The following MACROD2 variants were observed in gnomAD, a reference collection of about 807,000 sequenced individuals.
MACROD2 encodes mono-ADP ribosylhydrolase 2, also known as ADP-ribose glycohydrolase MACROD2.
MACROD2 carries 36 observed loss-of-function variants against 70.4 expected under a neutral mutation model. The observed-to-expected ratio is 0.51, with a 90% CI of 0.39 to 0.68. The LOEUF is 0.68. Among genes scored for constraint, MACROD2 ranks in the 30% least tolerant of loss-of-function variants. The pLI, the probability that MACROD2 is intolerant of heterozygous loss-of-function variation, is 0.00. For missense variants in MACROD2, 496 were observed against 538.4 expected, an observed-to-expected ratio of 0.92 and a Z score of 0.78; for synonymous variants, 172 against 178.8, an observed-to-expected ratio of 0.96 and a Z score of 0.30.
intron 8 of MACROD2, among the ~76,000 whole-genome samples, chr20:15,520,191 A>G (rs879658152): frequency 6.6e-6 from 1 of 152,262 alleles, no homozygotes; most frequent in Non-Finnish European, 1.5e-5. Context: ...CAGTTAATGT[A>G]GATTACCATT....
chr20:15,726,903 T>C (rs987777638), intron 8 of MACROD2, among the ~76,000 whole-genome samples: 3 of 152,230 alleles, frequency 2.0e-5, no homozygotes, highest in African/African-American at 7.2e-5. Flanking sequence ...GTTGATAGTT[T>C]CTTTTGCCAT....
chr20:15,323,974 C>CT (rs556768993), intron 6 of MACROD2, among the ~76,000 whole-genome samples: 26 of 147,888 alleles, frequency 1.8e-4, no homozygotes, highest in Non-Finnish European at 2.6e-4. Context: ...GATTGCAGAA[C>CT]TTTTTTTTTT....
chr20:14,442,757 A>G (rs2084138776), intron 3 of MACROD2, among the ~76,000 whole-genome samples: 1 of 151,878 alleles, frequency 6.6e-6, no homozygotes, highest in Non-Finnish European at 1.5e-5. Flanking sequence ...CTACCTCCCC[A>G]CAAGAGATGG....
At chr20:15,567,227 C>T (rs1032389822) in intron 8 of MACROD2, among the ~76,000 whole-genome samples, 13 of 151,534 alleles carry the variant, frequency 8.6e-5, no homozygotes, top group African/African-American at 3.1e-4. Context: ...TTTAGTTAGT[C>T]AAGACTTTAT....
intron 5 of MACROD2, among the ~76,000 whole-genome samples, chr20:15,154,608 A>AC (rs1339089875): frequency 6.6e-6 from 1 of 151,896 alleles, no homozygotes; most frequent in African/African-American, 2.4e-5. Flanking sequence ...AGTTCTAGTG[A>AC]CCCCCTCTTC....
chr20:15,927,353 T>C (rs1244239223), intron 10 of MACROD2, among the ~76,000 whole-genome samples: 2 of 152,150 alleles, frequency 1.3e-5, no homozygotes, highest in East Asian at 1.9e-4. Flanking sequence ...AGAGGGCTTA[T>C]GGCTTAGCTC....
chr20:15,256,765 A>G (rs1460279145), intron 6 of MACROD2, among the ~76,000 whole-genome samples: 3 of 152,038 alleles, frequency 2.0e-5, no homozygotes, highest in African/African-American at 7.2e-5. Flanking sequence ...TGGCATGGAT[A>G]TGGTATACTT....
At chr20:14,051,441 C>A (rs538366352) in intron 2 of MACROD2, among the ~76,000 whole-genome samples, 2 of 152,106 alleles carry the variant, frequency 1.3e-5, no homozygotes, top group Non-Finnish European at 2.9e-5. Flanking sequence ...TATTCCTGGA[C>A]GTTTACAGAA....
chr20:14,408,407 T>C (rs1348708634), intron 3 of MACROD2, among the ~76,000 whole-genome samples: 1 of 152,194 alleles, frequency 6.6e-6, no homozygotes, highest in Non-Finnish European at 1.5e-5. Context: ...ACACCAACTT[T>C]CCTTGGGTGG....
intron 3 of MACROD2, among the ~76,000 whole-genome samples, chr20:14,104,266 C>A (rs2054339509): frequency 6.6e-6 from 1 of 152,132 alleles, no homozygotes; most frequent in Non-Finnish European, 1.5e-5. Context: ...AAAGCAGGAT[C>A]TTACCTATAA....
intron 3 of MACROD2, among the ~76,000 whole-genome samples, chr20:14,186,335 C>CA (rs1203354852): frequency 6.6e-6 from 1 of 150,950 alleles, no homozygotes; most frequent in East Asian, 1.9e-4. Flanking sequence ...TACATGTGGC[C>CA]AAAAAAATAG....
chr20:14,777,017 A>G (rs575498987), intron 5 of MACROD2, among the ~76,000 whole-genome samples: 1 of 152,092 alleles, frequency 6.6e-6, no homozygotes, highest in African/African-American at 2.4e-5. Context: ...TTTTATTGCT[A>G]TGTAATATTC....
At chr20:14,466,699 C>T (rs2084454948) in intron 3 of MACROD2, among the ~76,000 whole-genome samples, 1 of 152,066 alleles carries the variant, frequency 6.6e-6, no homozygotes. Context: ...TGGTGATGTA[C>T]AGATGGGTTT....
intron 8 of MACROD2, among the ~76,000 whole-genome samples, chr20:15,848,824 C>T (rs1163553575): frequency 6.6e-6 from 1 of 152,154 alleles, no homozygotes; most frequent in African/African-American, 2.4e-5. Flanking sequence ...TCAGAGCCCA[C>T]TGATACAGTG....
chr20:15,709,095 G>A (rs1458786873), intron 8 of MACROD2, among the ~76,000 whole-genome samples: 1 of 152,044 alleles, frequency 6.6e-6, no homozygotes, highest in Admixed American at 6.5e-5. Context: ...GTATTACAGG[G>A]TTCTTTGATG....
chr20:14,960,993 C>T (rs1227453938), intron 5 of MACROD2, among the ~76,000 whole-genome samples: 1 of 152,138 alleles, frequency 6.6e-6, no homozygotes, highest in African/African-American at 2.4e-5. Flanking sequence ...TGCTGAGTTT[C>T]ATTTCACACT....
chr20:14,784,318 G>A (rs564853345), intron 5 of MACROD2, among the ~76,000 whole-genome samples: 2 of 152,120 alleles, frequency 1.3e-5, no homozygotes, highest in South Asian at 4.2e-4. Flanking sequence ...TGTTCAGGAC[G>A]GAGCTTGGGT....
intron 5 of MACROD2, among the ~76,000 whole-genome samples, chr20:15,153,612 A>T (rs2076286849): frequency 6.6e-6 from 1 of 152,216 alleles, no homozygotes; most frequent in Non-Finnish European, 1.5e-5. Context: ...GACAACATGG[A>T]CCTGTCTCAT....
chr20:14,960,376 C>T (rs1050910025), intron 5 of MACROD2, among the ~76,000 whole-genome samples: 1 of 152,180 alleles, frequency 6.6e-6, no homozygotes, highest in Admixed American at 6.5e-5. Flanking sequence ...ATCCTGTGTG[C>T]AGACTTCCCA....
Sources: allele counts gnomAD v4.1 joint callset (sites outside exome capture counted in the v4.1 genomes callset), GRCh38; gene constraint gnomAD v4.1.1; transcripts MANE v1.5; gene names NCBI Gene and HGNC (gene_info 2026-07-23, HGNC 2026-07-21).